The following ANO3 variants were observed in gnomAD, a reference collection of about 807,000 sequenced individuals.
ANO3 encodes anoctamin 3.
A neutral mutation model predicts 144.8 loss-of-function variants in ANO3; 99 were observed. That is an observed-to-expected ratio of 0.68 (90% CI 0.58 to 0.81). The LOEUF (loss-of-function observed/expected upper bound fraction) is 0.81, where lower values mean the gene tolerates loss of function less well. Ranked by LOEUF, ANO3 falls within the 30% of genes least tolerant of loss-of-function variation. The pLI, the probability that ANO3 is intolerant of heterozygous loss-of-function variation, is 0.00. For missense variants in ANO3, 905 were observed against 1,202.2 expected, an observed-to-expected ratio of 0.75 and a Z score of 3.66; for synonymous variants, 414 against 392.6, an observed-to-expected ratio of 1.05 and a Z score of -0.64.
intron 1 of ANO3, among the ~76,000 whole-genome samples, chr11:26,323,527 G>A (rs1854810871): frequency 6.6e-6 from 1 of 152,048 alleles, no homozygotes; most frequent in Non-Finnish European, 1.5e-5. Context: ...ATGGGTCTGT[G>A]ATTCAAGAGA....
At chr11:26,403,654 A>T (rs1451603405) in intron 1 of ANO3, among the ~76,000 whole-genome samples, 3 of 151,918 alleles carry the variant, frequency 2.0e-5, no homozygotes, top group Admixed American at 6.6e-5. Context: ...TGCCTGTTTT[A>T]ACCTTCTAAT....
At chr11:26,387,205 C>T (rs1380200414) in intron 1 of ANO3, among the ~76,000 whole-genome samples, 1 of 148,116 alleles carries the variant, frequency 6.8e-6, no homozygotes, top group Non-Finnish European at 1.5e-5. Context: ...AACACCTGAC[C>T]TTATGAGCCG....
chr11:26,278,479 T>C (rs1853606723), intron 1 of ANO3, among the ~76,000 whole-genome samples: 1 of 152,144 alleles, frequency 6.6e-6, no homozygotes, highest in Admixed American at 6.6e-5. Flanking sequence ...TTTAAATTTT[T>C]TATGGAGTGC....
chr11:26,641,859 C>T (rs1278161176), intron 21 of ANO3, 37 bp from the exon 22 acceptor site: 1 of 1,601,198 alleles, frequency 6.2e-7, no homozygotes, highest in Admixed American at 1.7e-5. Context: ...ATGCTTGAAT[C>T]AGAGCTCAAA....
chr11:26,369,041 A>G (rs1435503728), intron 1 of ANO3, among the ~76,000 whole-genome samples: 1 of 152,160 alleles, frequency 6.6e-6, no homozygotes, highest in African/African-American at 2.4e-5. Context: ...GACAAGGTCT[A>G]TATTCATAAG....
chr11:26,392,889 T>A (rs1856918189), intron 1 of ANO3, among the ~76,000 whole-genome samples: 2 of 152,136 alleles, frequency 1.3e-5, no homozygotes, highest in African/African-American at 4.8e-5. Context: ...CTGTCCTTCA[T>A]CCTTAAAATA....
At chr11:26,436,517 G>A (rs932120633) in intron 1 of ANO3, among the ~76,000 whole-genome samples, 2 of 152,242 alleles carry the variant, frequency 1.3e-5, no homozygotes, top group Admixed American at 6.5e-5. Context: ...TAAAGATGGT[G>A]GCCTGCCCCT....
chr11:26,536,892 A>G (rs392651), intron 9 of ANO3, among the ~76,000 whole-genome samples: 148,974 of 152,222 alleles, frequency 0.98, 72,976 homozygotes, highest in East Asian at 1. Flanking sequence ...TGTCCATTTC[A>G]CTCTACCCTC....
At chr11:26,653,999 T>C (rs2133090348) in intron 24 of ANO3, among the ~76,000 whole-genome samples, 1 of 152,306 alleles carries the variant, frequency 6.6e-6, no homozygotes, top group East Asian at 1.9e-4. Context: ...GATCAGTTTT[T>C]GAACTATCTC....
intron 1 of ANO3, among the ~76,000 whole-genome samples, chr11:26,425,344 T>C (rs1349166816): frequency 1.3e-5 from 2 of 152,112 alleles, no homozygotes; most frequent in Non-Finnish European, 2.9e-5. Context: ...TCACTTCCTT[T>C]TCAGGATTCC....
chr11:26,565,865 C>T, intron 14 of ANO3: 1 of 1,590,816 alleles, frequency 6.3e-7, no homozygotes, highest in Non-Finnish European at 8.5e-7. Context: ...ACATTGTAGG[C>T]TTCTTTGGTA....
At chr11:26,285,932 G>A (rs2133848727) in intron 1 of ANO3, 1 of 152,278 alleles carries the variant, frequency 6.6e-6, no homozygotes, top group South Asian at 2.1e-4. Flanking sequence ...AGTGAAACAT[G>A]TTTCTAATTT....
Position 26,434,096 on chromosome 11 carries a change from G to A in ANO3, c.47-7822G>A, listed in dbSNP as rs73445763. On this transcript the variant is annotated intron_variant, in intron 1 of 26. Coordinates refer to ENST00000256737, the MANE Select transcript of ANO3 (RefSeq NM_031418.4). ...TATTGGTCTGTTCAGGAAATCAGTC[G>A]TTCTGTTGATGCAGGTCTGTTCAGG... Among the ~76,000 whole-genome samples the A allele has an allele frequency of 5.2e-3, 794 of 151,982 alleles. 6 individuals are homozygous for A. The highest frequency in any genetic ancestry group is 0.018 in the African/African-American group (753 of 41,484).
At chr11:26,493,975 T>C (rs1860822004) in intron 4 of ANO3, among the ~76,000 whole-genome samples, 1 of 152,248 alleles carries the variant, frequency 6.6e-6, no homozygotes, top group Non-Finnish European at 1.5e-5. Context: ...AGTGGCTTGC[T>C]ATGTTTGTAA....
At chr11:26,292,648 G>C (rs1853986817) in intron 1 of ANO3, among the ~76,000 whole-genome samples, 1 of 152,132 alleles carries the variant, frequency 6.6e-6, no homozygotes, top group South Asian at 2.1e-4. Flanking sequence ...CTGTTTGTTA[G>C]TTTTCCTTCT....
Position 26,642,041 on chromosome 11 carries a change from A to T in ANO3, c.2275+12A>T, listed in dbSNP as rs763443173. 2 of 1,608,582 alleles carry T rather than the reference A, an allele frequency of 1.2e-6. No individual in the cohort carries two copies. The highest frequency in any genetic ancestry group is 1.7e-6 in the Non-Finnish European group (2 of 1,177,852). On this transcript the variant is annotated intron_variant, in intron 22 of 26. Transcript: ENST00000256737. ...GTACTTAGAAATGGGTAAGGAAAAA[A>T]AATCTGCAGGACTATTTGGCCTTCT...
chr11:26,326,588 T>C (rs562100329), intron 1 of ANO3, among the ~76,000 whole-genome samples: 1 of 152,158 alleles, frequency 6.6e-6, no homozygotes, highest in Admixed American at 6.6e-5. Context: ...ACCGGCCTGG[T>C]CATGTTCAAA....
intron 13 of ANO3, among the ~76,000 whole-genome samples, chr11:26,554,984 C>T (rs547760511): frequency 1.3e-5 from 2 of 152,220 alleles, no homozygotes; most frequent in South Asian, 2.1e-4. Flanking sequence ...GAGTGGAGGT[C>T]TCCATACAAT....
At chr11:26,602,405 A>T (rs936607654) in intron 17 of ANO3, among the ~76,000 whole-genome samples, 1 of 152,068 alleles carries the variant, frequency 6.6e-6, no homozygotes, top group African/African-American at 2.4e-5. Flanking sequence ...CTTATCAGAT[A>T]CATTTATCGA....
Sources: allele counts gnomAD v4.1 joint callset (sites outside exome capture counted in the v4.1 genomes callset), GRCh38; gene constraint gnomAD v4.1.1; transcripts MANE v1.5; gene names NCBI Gene and HGNC (gene_info 2026-07-23, HGNC 2026-07-21).